NYAP2: variants seen among roughly 807,000 people sequenced by gnomAD.
NYAP2 encodes the protein neuronal tyrosine-phosphorylated phosphoinositide-3-kinase adaptor 2.
A neutral mutation model predicts 50.4 loss-of-function variants in NYAP2; 23 were observed. The ratio of observed to expected loss-of-function variants is 0.46; its 90% CI spans 0.33 to 0.65. The LOEUF (loss-of-function observed/expected upper bound fraction) is 0.65, where lower values mean the gene tolerates loss of function less well. NYAP2 is among the 30% of genes least tolerant of loss of function. The probability of loss-of-function intolerance (pLI) is 0.02; values close to 1 mark genes in which losing one functional copy is unlikely to be tolerated. For synonymous variants in NYAP2, 394 were observed against 365.2 expected, an observed-to-expected ratio of 1.08 and a Z score of -0.90; for missense variants, 885 against 861.0, an observed-to-expected ratio of 1.03 and a Z score of -0.35.
the NYAP2 span, among the ~76,000 whole-genome samples, chr2:225,682,821 TTA>T: frequency 6.6e-6 from 1 of 152,128 alleles, no homozygotes; most frequent in Admixed American, 6.6e-5. Flanking sequence ...CCCAGAGTTC[TTA>T]TGAGAGAATT....
At chr2:225,668,841 A>G in the NYAP2 span, among the ~76,000 whole-genome samples, 1 of 151,920 alleles carries the variant, frequency 6.6e-6, no homozygotes, top group Admixed American at 6.6e-5. Context: ...CAAAGTTAAC[A>G]TGTCTCCATT....
chr2:225,687,770 C>A, the NYAP2 span, among the ~76,000 whole-genome samples: 1 of 152,286 alleles, frequency 6.6e-6, no homozygotes, highest in East Asian at 1.9e-4. Flanking sequence ...CTCAAAATCT[C>A]AATTGATTCT....
In NYAP2 at chr2:225,518,554, ATATATATATATAT is replaced by A. The variant is rs1559202499; in HGVS notation, c.523+4883_523+4895del. 3.0e-3 allele frequency among the ~76,000 whole-genome samples: 230 copies of A among 75,512 alleles called. 21 individuals are homozygous for A. The highest frequency in any genetic ancestry group is 8.5e-3 in the South Asian group (15 of 1,766). 49.5% of individuals were successfully genotyped at this position (75,512 alleles called of 152,430 possible). A position where few individuals can be genotyped will look rare whatever the true frequency, so the allele number is the denominator to read the frequency against. On this transcript the variant is annotated intron_variant, in intron 4 of 6. Transcript: ENST00000636099. ...TATATATATATATATATATATATAT[ATATATATATATAT>A]ATTAGCGTGTGCGCTTATATATATA...
chr2:225,404,277 C>T (rs550249138), intron 2 of NYAP2, among the ~76,000 whole-genome samples: 1 of 151,968 alleles, frequency 6.6e-6, no homozygotes, highest in African/African-American at 2.4e-5. Context: ...AGCTTCTTGA[C>T]TTCTCTGGAT....
intron 5 of NYAP2, among the ~76,000 whole-genome samples, chr2:225,599,796 T>A (rs927807177): frequency 1.4e-4 from 21 of 152,350 alleles, no homozygotes; most frequent in Admixed American, 1.1e-3. Flanking sequence ...TTAAGATCTG[T>A]GTTACTGCTT....
chr2:225,548,885 A>G (rs1691626865), intron 4 of NYAP2, among the ~76,000 whole-genome samples: 1 of 40,374 alleles, frequency 2.5e-5, no homozygotes, highest in Non-Finnish European at 6.3e-5. Flanking sequence ...AGAATGCAGC[A>G]ATTTTTTTTT....
chr2:225,629,538 A>G (rs1379280272), intron 6 of NYAP2, among the ~76,000 whole-genome samples: 1 of 152,342 alleles, frequency 6.6e-6, no homozygotes. Context: ...GTTTCTGGGT[A>G]CACAAGGCTG....
chr2:225,493,617 C>T (rs938929499), intron 3 of NYAP2, among the ~76,000 whole-genome samples: 3 of 152,292 alleles, frequency 2.0e-5, no homozygotes, highest in Non-Finnish European at 4.4e-5. Flanking sequence ...CACCTGGATT[C>T]GTGCATTTGC....
chr2:225,635,864 G>A (rs532109835), intron 6 of NYAP2, among the ~76,000 whole-genome samples: 1 of 152,252 alleles, frequency 6.6e-6, no homozygotes, highest in African/African-American at 2.4e-5. Flanking sequence ...GCAATGAATA[G>A]GATTTAAAAC....
chr2:225,694,632 A>T, the NYAP2 span, among the ~76,000 whole-genome samples: 3 of 151,948 alleles, frequency 2.0e-5, no homozygotes, highest in Non-Finnish European at 2.9e-5. Context: ...CAATATAATT[A>T]TATTCTATGT....
chr2:225,627,131 G>C lies in NYAP2; in HGVS notation c.1828+5G>C. On this transcript the variant is annotated splice_donor_5th_base_variant and intron_variant, in intron 6 of 6. Coordinates refer to ENST00000636099, the Ensembl canonical transcript of NYAP2. ...TAGCGGGAAACCACAGTTCAGGTAA[G>C]GCAGATTATGATCTTCCAGAAGGTA... 1.3e-6 allele frequency: 2 copies of C among 1,572,290 alleles called. No homozygotes were observed. Among genetic ancestry groups the C allele is most frequent in the Non-Finnish European group, 1.7e-6 (2 of 1,157,582 alleles).
downstream of NYAP2, among the ~76,000 whole-genome samples, chr2:225,656,369 G>A (rs747858964): frequency 1.1e-4 from 16 of 152,122 alleles, no homozygotes; most frequent in Admixed American, 2.0e-4. Flanking sequence ...ACTAAGCCCC[G>A]TTCCTTTCAA....
intron 5 of NYAP2, among the ~76,000 whole-genome samples, chr2:225,617,457 A>C (rs1693008837): frequency 6.6e-6 from 1 of 152,112 alleles, no homozygotes; most frequent in Non-Finnish European, 1.5e-5. Flanking sequence ...AAAAAACAGC[A>C]GTCATGAACC....
chr2:225,611,614 A>G (rs1178460188), intron 5 of NYAP2, among the ~76,000 whole-genome samples: 4 of 151,922 alleles, frequency 2.6e-5, no homozygotes, highest in Non-Finnish European at 5.9e-5. Flanking sequence ...AAAATCATCT[A>G]TTATATCTTT....
intron 4 of NYAP2, among the ~76,000 whole-genome samples, chr2:225,564,640 G>A (rs528500088): frequency 6.6e-6 from 1 of 151,310 alleles, no homozygotes; most frequent in South Asian, 2.1e-4. Flanking sequence ...CACTGCATGG[G>A]GATAATAGAA....
intron 6 of NYAP2, among the ~76,000 whole-genome samples, chr2:225,640,187 G>A (rs1455408447): frequency 1.3e-5 from 2 of 152,162 alleles, no homozygotes; most frequent in African/African-American, 4.8e-5. Context: ...CAAATAACCT[G>A]CCTTATAAAT....
chr2:225,460,137 AATG>A (rs1689804050), intron 3 of NYAP2, among the ~76,000 whole-genome samples: 1 of 151,976 alleles, frequency 6.6e-6, no homozygotes, highest in Non-Finnish European at 1.5e-5. Flanking sequence ...TAACCAATCA[AATG>A]ATGATTTTTT....
intron 3 of NYAP2, among the ~76,000 whole-genome samples, chr2:225,415,864 C>T (rs1264061581): frequency 6.6e-6 from 1 of 151,894 alleles, no homozygotes; most frequent in Non-Finnish European, 1.5e-5. Flanking sequence ...TATAACTAAC[C>T]TATGCTTTGA....
intron 4 of NYAP2, among the ~76,000 whole-genome samples, chr2:225,526,377 G>T (rs529016472): frequency 6.6e-6 from 1 of 152,250 alleles, no homozygotes; most frequent in South Asian, 2.1e-4. Context: ...TGTCATTGCT[G>T]GGCTGTATTC....
Sources: gnomAD v4.1 joint callset for allele counts (sites outside exome capture counted in the v4.1 genomes callset) on GRCh38, gnomAD v4.1.1 for gene constraint, MANE v1.5 for transcripts, NCBI Gene and HGNC (gene_info 2026-07-23, HGNC 2026-07-21) for gene names.